The following HTRA1 variants were observed in gnomAD, a reference collection of about 807,000 sequenced individuals.
HTRA1 encodes the protein serine protease HTRA1.
HTRA1 carries 26 observed loss-of-function variants against 49.7 expected under a neutral mutation model. That is an observed-to-expected ratio of 0.52 (90% CI 0.38 to 0.73). The LOEUF (loss-of-function observed/expected upper bound fraction) is 0.73. Ranked by LOEUF, HTRA1 falls within the 30% of genes least tolerant of loss-of-function variation. HTRA1 has a pLI of 0.00. For missense variants in HTRA1, 561 were observed against 667.2 expected (o/e 0.84, Z 1.75); for synonymous variants, 291 against 286.9 (o/e 1.01, Z -0.14).
chr10:122,514,082 T>C (rs2097506850), intron 8 of HTRA1, 109 bp from the exon 9 acceptor site: 20 of 1,100,072 alleles, frequency 1.8e-5, no homozygotes, highest in African/African-American at 6.2e-5. Context: ...CGTCCAATCC[T>C]GTTTGCTCTG....
intron 3 of HTRA1, among the ~76,000 whole-genome samples, chr10:122,503,595 C>T (rs927831916): frequency 1.3e-5 from 2 of 152,228 alleles, no homozygotes; most frequent in Non-Finnish European, 2.9e-5. Context: ...GTGGGTCTGA[C>T]AGCTGGGAAG....
rs780647526 is a variant in HTRA1, at chr10:122,487,149, C to T, written c.473-1753C>T. Among the ~76,000 whole-genome samples the T allele has an allele frequency of 2.7e-4, 41 of 152,232 alleles. No individual in the cohort carries two copies. Among genetic ancestry groups the T allele is most frequent in the East Asian group, 1.4e-3 (7 of 5,178 alleles). On this transcript the variant is annotated intron_variant, in intron 1 of 8. Coordinates refer to ENST00000368984, the MANE Select transcript of HTRA1 (RefSeq NM_002775.5). This position sits in a 1 kb window ranked among gnomAD's most constrained non-coding sequence, Gnocchi z 4.8. ...CATGTGAAATTGCTATGAAAGTTTC[C>T]GAAAGCTTCCTGTCAATTCGTAGTG...
At chr10:122,485,065 C>G (rs1246872486) in intron 1 of HTRA1, among the ~76,000 whole-genome samples, 1 of 152,202 alleles carries the variant, frequency 6.6e-6, no homozygotes, top group African/African-American at 2.4e-5. Context: ...AATGGACAAG[C>G]CCTTTTAATG....
chr10:122,507,839 A>C (rs2097503819), intron 5 of HTRA1, among the ~76,000 whole-genome samples: 1 of 152,196 alleles, frequency 6.6e-6, no homozygotes, highest in Non-Finnish European at 1.5e-5. Context: ...TCCTCCCTTA[A>C]GGCCTGGCTG....
rs751497078 is a variant in HTRA1 at position 122,506,935 on chromosome 10, G to A, written c.972+50G>A. On this transcript the variant is annotated intron_variant, in intron 4 of 8. Transcript: ENST00000368984. This position sits in a 1 kb window ranked among gnomAD's most constrained non-coding sequence, Gnocchi z 5.2. ...GGGGATTGGGGCAGAGTTTTGCCAG[G>A]GGGAGAGGAGTCAGCATAGGTCTTA... 2.0e-6 allele frequency: 3 copies of A among 1,523,606 alleles called. No homozygotes were observed. The highest frequency in any genetic ancestry group is 4.5e-5 in the East Asian group (2 of 44,378). The allele number at this position is 1,523,606 out of a possible 1,614,324, so 94.4% of individuals were successfully genotyped here.
At chr10:122,467,174 A>G (rs1197373597) in intron 1 of HTRA1, among the ~76,000 whole-genome samples, 5 of 152,232 alleles carry the variant, frequency 3.3e-5, no homozygotes, top group Non-Finnish European at 7.3e-5. Flanking sequence ...CAGACTTTCC[A>G]TGAGCTTATA....
At chr10:122,508,584 A>G (rs1189361825) in intron 5 of HTRA1, 72 bp from the exon 6 acceptor site, 30 of 962,346 alleles carry the variant, frequency 3.1e-5, no homozygotes, top group South Asian at 2.6e-5. Flanking sequence ...TCTTTCAGGC[A>G]TATTCTCTCT....
rs1019890205 is a variant in HTRA1 at position 122,513,605 on chromosome 10, G to A, written c.1275-586G>A. On this transcript the variant is annotated intron_variant, in intron 8 of 8. Transcript: ENST00000368984. ...GAGCCCAGGAGTTCGAGACTAGCTT[G>A]GGCAACAATTGAGACCCCATCTCAA... Among the ~76,000 whole-genome samples the A allele has an allele frequency of 1.3e-4, 14 of 110,158 alleles. No homozygotes were observed. In the Admixed American group the frequency reaches 1.5e-3, roughly 12 times the overall value. 72.3% of individuals were successfully genotyped at this position (110,158 alleles called of 152,430 possible). A position where few individuals can be genotyped will look rare whatever the true frequency, so the allele number is the denominator to read the frequency against.
chr10:122,497,735 G>A (rs1427701231), intron 3 of HTRA1, among the ~76,000 whole-genome samples: 1 of 152,234 alleles, frequency 6.6e-6, no homozygotes, highest in East Asian at 1.9e-4. Flanking sequence ...CCCAATGGAT[G>A]TTTTAAGACC....
At chr10:122,482,917 CAAAAA>C (rs59042439) in intron 1 of HTRA1, among the ~76,000 whole-genome samples, 33 of 75,006 alleles carry the variant, frequency 4.4e-4, no homozygotes, top group African/African-American at 1.3e-3. Context: ...GACTCTGTCT[CAAAAA>C]AAAAAAAAAA....
At chr10:122,482,246 AGAT>A (rs2097491329) in intron 1 of HTRA1, among the ~76,000 whole-genome samples, 1 of 152,200 alleles carries the variant, frequency 6.6e-6, no homozygotes, top group Non-Finnish European at 1.5e-5. Context: ...TCTTGGAGTC[AGAT>A]TGGACACCAC....
At chr10:122,507,135 A>G (rs1016739539) in intron 4 of HTRA1, among the ~76,000 whole-genome samples, 1 of 152,200 alleles carries the variant, frequency 6.6e-6, no homozygotes, top group Admixed American at 6.5e-5. Flanking sequence ...GGGTGATTGC[A>G]GTTGGCTTCT....
At chr10:122,496,829 G>A (rs714816) in intron 3 of HTRA1, among the ~76,000 whole-genome samples, 43,068 of 151,952 alleles carry the variant, frequency 0.28, 7,021 homozygotes, top group Admixed American at 0.41. Context: ...TCATTTCCTC[G>A]TGAGTTTATT....
chr10:122,487,460 T>G lies in HTRA1; in HGVS notation c.473-1442T>G, dbSNP rs1260688499. Among the ~76,000 whole-genome samples, 1 of 152,202 alleles carries G rather than the reference T, an allele frequency of 6.6e-6. No homozygotes were observed. Among genetic ancestry groups the G allele is most frequent in the East Asian group, 1.9e-4 (1 of 5,190 alleles). ...TCTAGCAGTCCGTTTCTGAATCAGT[T>G]ACCTTGGGTATGTGCCTCTGGTTGA... On this transcript the variant is annotated intron_variant, in intron 1 of 8. Coordinates refer to ENST00000368984, the MANE Select transcript of HTRA1 (RefSeq NM_002775.5). This position sits in a 1 kb window ranked among gnomAD's most constrained non-coding sequence, Gnocchi z 4.8.
intron 6 of HTRA1, 37 bp from the exon 7 acceptor site, chr10:122,510,058 TG>T (rs758083954): frequency 6.3e-7 from 1 of 1,592,600 alleles, no homozygotes; most frequent in South Asian, 1.1e-5. Context: ...CCCCACCAAC[TG>T]GGCTGACCTT....
chr10:122,465,949 C>T (rs2097483585), intron 1 of HTRA1, among the ~76,000 whole-genome samples: 1 of 152,180 alleles, frequency 6.6e-6, no homozygotes, highest in South Asian at 2.1e-4. Context: ...GTACATCCTC[C>T]AGGAAAGCCC....
At chr10:122,508,629 G>A in intron 5 of HTRA1, 27 bp from the exon 6 acceptor site, 1 of 1,411,958 alleles carries the variant, frequency 7.1e-7, no homozygotes, top group Non-Finnish European at 1.0e-6. Context: ...TCACGATTCA[G>A]TAAGCCGTGT....
chr10:122,477,640 C>T (rs1203069689), intron 1 of HTRA1, among the ~76,000 whole-genome samples: 1 of 152,190 alleles, frequency 6.6e-6, no homozygotes, highest in Non-Finnish European at 1.5e-5. Flanking sequence ...TCTAGCAGCC[C>T]TGCCAGAGAG....
chr10:122,511,066 C>T (rs1407737466), intron 7 of HTRA1, among the ~76,000 whole-genome samples: 2 of 152,124 alleles, frequency 1.3e-5, no homozygotes, highest in Non-Finnish European at 2.9e-5. Context: ...ACCTTGGGAA[C>T]GATATGACCC....
Sources: allele counts gnomAD v4.1 joint callset (sites outside exome capture counted in the v4.1 genomes callset), GRCh38; gene constraint gnomAD v4.1.1; non-coding constraint Gnocchi (gnomAD v3.1); transcripts MANE v1.5; gene names NCBI Gene and HGNC (gene_info 2026-07-23, HGNC 2026-07-21).